The following KIAA1217 variants were observed in gnomAD, a reference collection of about 807,000 sequenced individuals.
The protein encoded by KIAA1217 is sickle tail protein homolog.
KIAA1217 carries 88 observed loss-of-function variants against 163.9 expected under a neutral mutation model. That is an observed-to-expected ratio of 0.54 (90% CI 0.45 to 0.64). The LOEUF (loss-of-function observed/expected upper bound fraction) is 0.64, where lower values mean the gene tolerates loss of function less well. Ranked by LOEUF, KIAA1217 falls within the 30% of genes least tolerant of loss-of-function variation. The pLI, the probability that KIAA1217 is intolerant of heterozygous loss-of-function variation, is 0.00. For synonymous variants in KIAA1217, 903 were observed against 923.1 expected (o/e 0.98, Z 0.39); for missense variants, 2,372 against 2,475.0 (o/e 0.96, Z 0.88).
rs2075565409 is a variant in KIAA1217, at chr10:24,544,968, G to A, written c.5212-13G>A. ...TCTCCTTCTCTTCCCCCTCTCACTG[G>A]TCCTTCCCACAGGGCTCCAGCGGGG... is the stretch of plus-strand genomic sequence containing the variant. On this transcript the variant is annotated splice_polypyrimidine_tract_variant and intron_variant, in intron 19 of 20. Coordinates refer to ENST00000376454, the MANE Select transcript of KIAA1217 (RefSeq NM_019590.5). 6.2e-7 allele frequency: 1 copy of A among 1,612,550 alleles called. No individual in the cohort carries two copies. Among genetic ancestry groups the A allele is most frequent in the Non-Finnish European group, 8.5e-7 (1 of 1,179,244 alleles).
chr10:24,411,497 A>G (rs1328912502), intron 3 of KIAA1217, among the ~76,000 whole-genome samples: 2 of 152,114 alleles, frequency 1.3e-5, no homozygotes, highest in Non-Finnish European at 2.9e-5. Context: ...TACAATTGTG[A>G]TTTTAAATGC....
intron 2 of KIAA1217, among the ~76,000 whole-genome samples, chr10:24,348,119 G>A (rs2048021334): frequency 6.6e-6 from 1 of 152,158 alleles, no homozygotes; most frequent in Non-Finnish European, 1.5e-5. Context: ...CACTTTGGGA[G>A]GCAGAGGCAG....
intron 2 of KIAA1217, among the ~76,000 whole-genome samples, chr10:24,200,184 G>C (rs4330989): frequency 0.69 from 103,870 of 150,730 alleles, 36,283 homozygotes; most frequent in Middle Eastern, 0.81. Context: ...ATGGCTTTTG[G>C]TTGCTGTCAC....
chr10:24,093,015 A>G (rs2062001187), intron 2 of KIAA1217, among the ~76,000 whole-genome samples: 1 of 151,086 alleles, frequency 6.6e-6, no homozygotes, highest in African/African-American at 2.5e-5. Context: ...TTTTTTTTAG[A>G]CAAGGTCTCA....
At chr10:24,364,261 G>A (rs530167593) in intron 2 of KIAA1217, among the ~76,000 whole-genome samples, 23 of 152,160 alleles carry the variant, frequency 1.5e-4, no homozygotes, top group Non-Finnish European at 2.9e-4. Context: ...TTACAGGCGT[G>A]AGCCACCGCA....
At chr10:24,320,793 C>G (rs2044036057) in intron 2 of KIAA1217, among the ~76,000 whole-genome samples, 1 of 152,156 alleles carries the variant, frequency 6.6e-6, no homozygotes, top group Non-Finnish European at 1.5e-5. Flanking sequence ...CTTGTAATCC[C>G]AGCACTTTGG....
chr10:24,445,527 C>T (rs1158359979), intron 5 of KIAA1217, among the ~76,000 whole-genome samples: 3 of 107,062 alleles, frequency 2.8e-5, no homozygotes, highest in Non-Finnish European at 5.4e-5. Flanking sequence ...CTATCCCTCC[C>T]CCCTCCCCCC....
At chr10:24,155,373 T>G (rs1265454988) in intron 2 of KIAA1217, among the ~76,000 whole-genome samples, 1 of 152,178 alleles carries the variant, frequency 6.6e-6, no homozygotes, top group African/African-American at 2.4e-5. Flanking sequence ...TGACAAGTAC[T>G]TAGAGAACAT....
At chr10:24,525,911 G>A (rs2072082346) in intron 13 of KIAA1217, among the ~76,000 whole-genome samples, 1 of 152,120 alleles carries the variant, frequency 6.6e-6, no homozygotes, top group Admixed American at 6.6e-5. Context: ...GATCACCCAG[G>A]CCCAGGGAGG....
Position 24,480,124 on chromosome 10 carries a change from G to C in KIAA1217, c.1679+6064G>C, listed in dbSNP as rs941809639. Among the ~76,000 whole-genome samples the C allele has an allele frequency of 2.6e-5, 4 of 152,204 alleles. No individual in the cohort carries two copies. In the East Asian group the frequency reaches 7.7e-4, roughly 29 times the overall value. On this transcript the variant is annotated intron_variant, in intron 6 of 20. Transcript: ENST00000376454. Reference sequence around the variant, plus strand: ...AATACCAACTACCAATCCTGACCTAGCCAGGATAATCAAAGACATCTCTAG... The same window carrying C: ...AATACCAACTACCAATCCTGACCTACCCAGGATAATCAAAGACATCTCTAG...
At chr10:23,835,136 T>G (rs867163873) in intron 1 of KIAA1217, among the ~76,000 whole-genome samples, 2 of 151,886 alleles carry the variant, frequency 1.3e-5, no homozygotes, top group African/African-American at 4.8e-5. Flanking sequence ...AGGTTCTGAG[T>G]TATGCCTAGA....
intron 1 of KIAA1217, among the ~76,000 whole-genome samples, chr10:23,829,559 A>G (rs1454563257): frequency 1.3e-5 from 2 of 152,196 alleles, no homozygotes; most frequent in Non-Finnish European, 2.9e-5. Context: ...TTATTTGCAC[A>G]TTTATAATTT....
intron 1 of KIAA1217, among the ~76,000 whole-genome samples, chr10:23,966,684 C>G (rs1382501566): frequency 6.6e-6 from 1 of 152,218 alleles, no homozygotes; most frequent in South Asian, 2.1e-4. Context: ...CTTCTTTAGT[C>G]TTCCAGAGAA....
intron 3 of KIAA1217, among the ~76,000 whole-genome samples, chr10:24,432,118 C>CTTTT (rs57893341): frequency 8.6e-6 from 1 of 116,410 alleles, no homozygotes; most frequent in African/African-American, 3.4e-5. Context: ...AAGTATCGTC[C>CTTTT]TTTTTTTTTT....
chr10:23,812,340 C>G lies in KIAA1217; in HGVS notation c.-321+117106C>G, dbSNP rs536984830. Among the ~76,000 whole-genome samples, 64 of 152,258 alleles carry G rather than the reference C, an allele frequency of 4.2e-4. 1 individual carries two copies. The South Asian group carries it at 0.013, about 31-fold the overall frequency. ...TATATACACAGTCACATTATTACTT[C>G]TAGCATGAGTTAGAGTTAATTCATG... On this transcript the variant is annotated intron_variant, in intron 1 of 18. Transcript: ENST00000376462.
chr10:24,082,371 A>G (rs1046812548), intron 2 of KIAA1217, among the ~76,000 whole-genome samples: 3 of 152,074 alleles, frequency 2.0e-5, no homozygotes, highest in Non-Finnish European at 4.4e-5. Context: ...AGCATGCCTT[A>G]GCTATTTTCC....
chr10:23,818,933 T>A (rs1837491812), intron 1 of KIAA1217, among the ~76,000 whole-genome samples: 1 of 152,224 alleles, frequency 6.6e-6, no homozygotes, highest in Non-Finnish European at 1.5e-5. Flanking sequence ...CTCATAATGA[T>A]CACATCTTAA....
chr10:24,118,194 C>G (rs1448963982), intron 2 of KIAA1217, among the ~76,000 whole-genome samples: 2 of 150,760 alleles, frequency 1.3e-5, no homozygotes, highest in Non-Finnish European at 3.0e-5. Flanking sequence ...GGAAAGAAGA[C>G]TGAATCTAGC....
intron 2 of KIAA1217, among the ~76,000 whole-genome samples, chr10:24,128,449 C>T (rs1311603362): frequency 1.3e-5 from 2 of 152,084 alleles, no homozygotes; most frequent in African/African-American, 2.4e-5. Context: ...ATGTTTAAAT[C>T]CTTATCAGTT....
Sources: gnomAD v4.1 joint callset for allele counts (sites outside exome capture counted in the v4.1 genomes callset) on GRCh38, gnomAD v4.1.1 for gene constraint, MANE v1.5 for transcripts, NCBI Gene and HGNC (gene_info 2026-07-23, HGNC 2026-07-21) for gene names.